The following HDAC2 variants were observed in gnomAD, a reference collection of about 807,000 sequenced individuals.
HDAC2 encodes the protein histone deacetylase 2, also known as YY1-associated factor 1.
A neutral mutation model predicts 68.5 loss-of-function variants in HDAC2; 5 were observed. That is an observed-to-expected ratio of 0.07 (90% CI 0.04 to 0.15). HDAC2 has a LOEUF of 0.15. HDAC2 is among the 10% of genes least tolerant of loss of function. The probability of loss-of-function intolerance (pLI) is 1.00; values close to 1 mark genes in which losing one functional copy is unlikely to be tolerated. For missense variants in HDAC2, 291 were observed against 600.8 expected (o/e 0.48, Z 5.39); for synonymous variants, 182 against 191.3 (o/e 0.95, Z 0.40).
intron 13 of HDAC2, 146 bp downstream of exon 13, chr6:113,941,562 A>G (rs1226023409): frequency 3.1e-5 from 13 of 414,142 alleles, no homozygotes; most frequent in Non-Finnish European, 2.1e-5. Flanking sequence ...CTTATGTACC[A>G]ATACAAACTA....
intron 3 of HDAC2, among the ~76,000 whole-genome samples, chr6:113,958,201 C>G (rs940058463): frequency 6.6e-6 from 1 of 152,126 alleles, no homozygotes; most frequent in Non-Finnish European, 1.5e-5. Flanking sequence ...GAGAACATTA[C>G]GTAGAATCAA....
intron 10 of HDAC2, among the ~76,000 whole-genome samples, chr6:113,944,880 G>GT (rs1418675147): frequency 2.6e-5 from 4 of 152,142 alleles, no homozygotes; most frequent in Non-Finnish European, 5.9e-5. Context: ...CATACAGCTT[G>GT]TTTGTGGTAC....
At chr6:113,964,963 CT>C (rs1380827698) in intron 1 of HDAC2, among the ~76,000 whole-genome samples, 1 of 152,212 alleles carries the variant, frequency 6.6e-6, no homozygotes, top group Non-Finnish European at 1.5e-5. Flanking sequence ...GCCCAAATCT[CT>C]CTTAAATATG....
Position 113,971,139 on chromosome 6 carries a change from CGA to C in HDAC2, c.-233_-232del. ...CGGAGGTGGCAGCGGCACCAACTCG[CGA>C]GGAGGGGGCCACCAAACCACCTCAG... On this transcript the variant is annotated 5_prime_UTR_variant, in exon 1 of 14. Transcript: ENST00000519065. The C allele has an allele frequency of 6.6e-7, 1 of 1,511,126 alleles. No individual in the cohort carries two copies. The highest frequency in any genetic ancestry group is 8.9e-7 in the Non-Finnish European group (1 of 1,123,686). 93.6% of individuals were successfully genotyped at this position (1,511,126 alleles called of 1,614,324 possible).
At position 113,933,964 on chromosome 6, in the gene HDAC2, GTC is replaced by G. The variant is rs1332632127; in HGVS notation, c.*7092_*7093del. On this transcript the variant is annotated 3_prime_UTR_variant, in exon 14 of 14. Coordinates refer to ENST00000519065, the MANE Select transcript of HDAC2 (RefSeq NM_001527.4). The stretch of plus-strand genomic sequence containing the variant: ...TGAACGCTGATGCAGGGAAACTCTG[GTC>G]TCTGACTTTGATTTTTTTTTAATAG... 3 of 151,542 alleles carry G rather than the reference GTC, an allele frequency of 2.0e-5. No individual in the cohort carries two copies. 9.4% of individuals were successfully genotyped at this position (151,542 alleles called of 1,614,324 possible). A position where few individuals can be genotyped will look rare whatever the true frequency, so the allele number is the denominator to read the frequency against.
rs1330565692 is a variant in HDAC2 at position 113,971,133 on chromosome 6, A to G, written c.-225T>C. The G allele has an allele frequency of 4.5e-6, 7 of 1,539,800 alleles. No homozygotes were observed. The African/African-American group carries it at 9.6e-5, about 21-fold the overall frequency. The stretch of plus-strand genomic sequence containing the variant: ...CGGAATCGGAGGTGGCAGCGGCACC[A>G]ACTCGCGAGGAGGGGGCCACCAAAC... On this transcript the variant is annotated 5_prime_UTR_variant, in exon 1 of 14. Transcript: ENST00000519065.
At chr6:113,945,694 GTTTTCTGGC>G in intron 9 of HDAC2, among the ~76,000 whole-genome samples, 1 of 152,222 alleles carries the variant, frequency 6.6e-6, no homozygotes, top group South Asian at 2.1e-4. Flanking sequence ...TTGACTTACA[GTTTTCTGGC>G]TTTTTTGTAC....
At chr6:113,966,574 A>G (rs1318601260) in intron 1 of HDAC2, among the ~76,000 whole-genome samples, 1 of 149,004 alleles carries the variant, frequency 6.7e-6, no homozygotes, top group Non-Finnish European at 1.5e-5. Context: ...AAAAAAAAGT[A>G]TAAGGAATTA....
chr6:113,951,096 T>A (rs1776403294), intron 6 of HDAC2, among the ~76,000 whole-genome samples: 1 of 152,204 alleles, frequency 6.6e-6, no homozygotes, highest in Non-Finnish European at 1.5e-5. Flanking sequence ...GCACTTCTCA[T>A]CCTAACTGCT....
At chr6:113,947,817 A>G (rs1313402668) in intron 8 of HDAC2, 1 of 152,178 alleles carries the variant, frequency 6.6e-6, no homozygotes, top group Non-Finnish European at 1.5e-5. Context: ...AGTAGCAATC[A>G]TAACATTAAA....
At chr6:113,962,534 G>A (rs1776708929) in intron 1 of HDAC2, 4 of 155,244 alleles carry the variant, frequency 2.6e-5, no homozygotes, top group African/African-American at 4.8e-5. Flanking sequence ...TCCTCAAATC[G>A]TATACGAATA....
chr6:113,952,621 GTA>G (rs1447847916), intron 6 of HDAC2, among the ~76,000 whole-genome samples: 1 of 152,146 alleles, frequency 6.6e-6, no homozygotes, highest in Admixed American at 6.5e-5. Context: ...TTCGACATTT[GTA>G]TAGTTAGGTT....
rs1273866713 is a variant in HDAC2 at position 113,938,596 on chromosome 6, C to T, written c.*2462G>A. 2.0e-5 allele frequency: 3 copies of T among 152,128 alleles called. No homozygotes were observed. The highest frequency in any genetic ancestry group is 2.0e-4 in the Admixed American group (3 of 15,274). The allele number at this position is 152,128 out of a possible 1,614,324, so 9.4% of individuals were successfully genotyped here. Reference sequence around the variant, plus strand: ...TTTCCATTTGGTTACCAGTTGTTGTCCCAATTCCACTTACAAAATAATGTC... The same window carrying T: ...TTTCCATTTGGTTACCAGTTGTTGTTCCAATTCCACTTACAAAATAATGTC... On this transcript the variant is annotated 3_prime_UTR_variant, in exon 14 of 14. Transcript: ENST00000519065.
Position 113,940,869 on chromosome 6 carries a change from T to G in HDAC2, c.*189A>C. 1 of 474,026 alleles carries G rather than the reference T, an allele frequency of 2.1e-6. No homozygotes were observed. The highest frequency in any genetic ancestry group is 5.5e-4 in the Middle Eastern group (1 of 1,802). 29.4% of individuals were successfully genotyped at this position (474,026 alleles called of 1,614,324 possible). A position where few individuals can be genotyped will look rare whatever the true frequency, so the allele number is the denominator to read the frequency against. ...ATAAAGCATGGTGGAGAAAAGAAAT[T>G]TTGCTTCATAATTAGAAAAACTCAC... On this transcript the variant is annotated 3_prime_UTR_variant, in exon 14 of 14. Coordinates refer to ENST00000519065, the MANE Select transcript of HDAC2 (RefSeq NM_001527.4).
At chr6:113,968,143 C>T (rs527872916) in intron 1 of HDAC2, among the ~76,000 whole-genome samples, 5 of 152,228 alleles carry the variant, frequency 3.3e-5, no homozygotes, top group Non-Finnish European at 7.3e-5. Context: ...CTAACAGCCC[C>T]AGGAAGCCTA....
intron 1 of HDAC2, among the ~76,000 whole-genome samples, chr6:113,963,224 C>T (rs1264182548): frequency 6.6e-6 from 1 of 151,748 alleles, no homozygotes; most frequent in Non-Finnish European, 1.5e-5. Context: ...GCTGGGATTA[C>T]AAGCGCCCAC....
intron 6 of HDAC2, 114 bp downstream of exon 6, chr6:113,953,163 T>G (rs1776462605): frequency 1.4e-6 from 1 of 734,520 alleles, no homozygotes; most frequent in East Asian, 2.6e-5. Flanking sequence ...GTAATTCAAT[T>G]CTGCATACAA....
chr6:113,957,327 G>A (rs1776579049), intron 3 of HDAC2: 1 of 152,394 alleles, frequency 6.6e-6, no homozygotes, highest in East Asian at 1.9e-4. Flanking sequence ...TATGGCAGAT[G>A]TATGTAACCC....
rs1776105407 is a variant in HDAC2, at chr6:113,940,499, A to T, written c.*559T>A. 1 of 152,294 alleles carries T rather than the reference A, an allele frequency of 6.6e-6. No homozygotes were observed. Among genetic ancestry groups the T allele is most frequent in the Non-Finnish European group, 1.5e-5 (1 of 68,090 alleles). The allele number at this position is 152,294 out of a possible 1,614,324, so 9.4% of individuals were successfully genotyped here. ...TAATGGGATGTTAATCTTCACTGATACTAACTGGCTAAGCTATAGAGGGCA... is the reference window on the plus strand; with the variant it reads ...TAATGGGATGTTAATCTTCACTGATTCTAACTGGCTAAGCTATAGAGGGCA... On this transcript the variant is annotated 3_prime_UTR_variant, in exon 14 of 14. Coordinates refer to ENST00000519065, the MANE Select transcript of HDAC2 (RefSeq NM_001527.4).
Sources: gnomAD v4.1 joint callset for allele counts (sites outside exome capture counted in the v4.1 genomes callset) on GRCh38, gnomAD v4.1.1 for gene constraint, MANE v1.5 for transcripts, NCBI Gene and HGNC (gene_info 2026-07-23, HGNC 2026-07-21) for gene names.